Variants in ADCY5 observed in about 807,000 individuals in gnomAD.
ADCY5 encodes the protein adenylate cyclase 5.
ADCY5 carries 30 observed loss-of-function variants against 119.7 expected under a neutral mutation model. The observed-to-expected ratio is 0.25, with a 90% confidence interval of 0.19 to 0.34. ADCY5 has a LOEUF of 0.34. ADCY5 is among the 10% of genes least tolerant of loss of function. The pLI, the probability that ADCY5 is intolerant of heterozygous loss-of-function variation, is 1.00. For synonymous variants in ADCY5, 753 were observed against 762.2 expected (o/e 0.99, Z 0.20); for missense variants, 1,324 against 1,775.2 (o/e 0.75, Z 4.57).
intron 20 of ADCY5, 149 bp from the exon 21 acceptor site, chr3:123,284,885 GACTGACAGAC>G: frequency 1.9e-6 from 2 of 1,053,922 alleles, no homozygotes; most frequent in Non-Finnish European, 2.8e-6. Context: ...TGCTCTCAGG[GACTGACAGAC>G]AGCAGCTCAC....
chr3:123,434,388 A>G (rs1399701802), intron 1 of ADCY5, among the ~76,000 whole-genome samples: 1 of 152,200 alleles, frequency 6.6e-6, no homozygotes, highest in African/African-American at 2.4e-5. Context: ...TCAGGAATCT[A>G]TCACCCCCAG....
intron 1 of ADCY5, among the ~76,000 whole-genome samples, chr3:123,434,334 C>T (rs1254360269): frequency 1.3e-5 from 2 of 152,226 alleles, no homozygotes; most frequent in East Asian, 1.9e-4. Flanking sequence ...AGTGCCCTCA[C>T]CTGCATTAAA....
At chr3:123,389,952 A>C (rs1417857757) in intron 1 of ADCY5, among the ~76,000 whole-genome samples, 1 of 152,114 alleles carries the variant, frequency 6.6e-6, no homozygotes, top group Non-Finnish European at 1.5e-5. Context: ...TCAAGAGTGG[A>C]GAGAGGAGAG....
intron 12 of ADCY5, among the ~76,000 whole-genome samples, chr3:123,312,252 A>G (rs1940631079): frequency 6.6e-6 from 1 of 152,270 alleles, no homozygotes; most frequent in African/African-American, 2.4e-5. Flanking sequence ...GGGCTAATTA[A>G]GTACCTGAAA....
chr3:123,297,853 A>G (rs892765891), intron 15 of ADCY5, among the ~76,000 whole-genome samples: 1 of 152,266 alleles, frequency 6.6e-6, no homozygotes, highest in African/African-American at 2.4e-5. Flanking sequence ...GTGTAAAAAA[A>G]GGTAAAATAT....
At chr3:123,370,689 A>T (rs375150055) in intron 1 of ADCY5, among the ~76,000 whole-genome samples, 2 of 152,310 alleles carry the variant, frequency 1.3e-5, no homozygotes, top group East Asian at 3.9e-4. Context: ...TCTTAAGGCC[A>T]CTGTATTTTG....
At chr3:123,383,035 G>C (rs1480468131) in intron 1 of ADCY5, among the ~76,000 whole-genome samples, 6 of 151,986 alleles carry the variant, frequency 3.9e-5, no homozygotes, top group Non-Finnish European at 8.8e-5. Flanking sequence ...GCCATCCTCA[G>C]CCTCCCCCAC....
chr3:123,347,717 G>A (rs1156484860), intron 3 of ADCY5, 65 bp downstream of exon 3: 3 of 1,152,182 alleles, frequency 2.6e-6, no homozygotes, highest in African/African-American at 3.6e-5. Context: ...GAAAGGAAGT[G>A]GGATGTCTCC....
In ADCY5 at chr3:123,358,162, G is replaced by GTGTGTGTC. The variant is rs1943106447; in HGVS notation, c.1135-5582_1135-5581insGACACACA. Among the ~76,000 whole-genome samples, 3 of 51,408 alleles carry GTGTGTGTC rather than the reference G, an allele frequency of 5.8e-5. No homozygotes were observed. The South Asian group carries it at 1.7e-3, about 30-fold the overall frequency. The allele number at this position is 51,408 out of a possible 152,430, so 33.7% of individuals were successfully genotyped here. On this transcript the variant is annotated intron_variant, in intron 1 of 20. Coordinates refer to ENST00000462833, the MANE Select transcript of ADCY5 (RefSeq NM_183357.3). The stretch of plus-strand genomic sequence containing the variant: ...ATCTAACCACATGGAACACGTGTGT[G>GTGTGTGTC]TGTGTGTGTGTGTGTGTGTGTGTGT...
At chr3:123,322,297 G>C (rs1469415354) in intron 8 of ADCY5, among the ~76,000 whole-genome samples, 1 of 152,202 alleles carries the variant, frequency 6.6e-6, no homozygotes, top group Non-Finnish European at 1.5e-5. Flanking sequence ...TGGTCTCTAT[G>C]GTTCAAAAAT....
Position 123,447,694 on chromosome 3 carries a change from CATG to C in ADCY5, c.849_851del (p.Ile283del). 6.2e-7 allele frequency: 1 copy of C among 1,604,626 alleles called. No homozygotes were observed. Among genetic ancestry groups the C allele is most frequent in the Admixed American group, 1.7e-5 (1 of 59,558 alleles). Reference sequence around the variant, plus strand: ...AGGCGGCGCGGTTGCAAAGCACAGCCATGATGAGGATCACGCCGACGGCGGCCG... The same window carrying C: ...AGGCGGCGCGGTTGCAAAGCACAGCCATGAGGATCACGCCGACGGCGGCCG... On this transcript the variant is annotated inframe_deletion, in exon 1 of 21. Transcript: ENST00000462833.
chr3:123,337,218 T>A (rs1282756839), intron 3 of ADCY5, among the ~76,000 whole-genome samples: 1 of 152,190 alleles, frequency 6.6e-6, no homozygotes, highest in African/African-American at 2.4e-5. Flanking sequence ...GTAAACTCTT[T>A]GAGGGAGAGA....
Position 123,296,134 on chromosome 3 carries a change from C to A in ADCY5, c.3013G>T (p.Ala1005Ser), listed in dbSNP as rs1386912280. Residue 1005 changes from alanine to serine, a missense_variant, in exon 17 of 21, where the codon GCC becomes TCC. Transcript: ENST00000462833. ...SVFVLALYLH[A>S]QQVESTARLD... Reference sequence around the variant, plus strand: ...CGGGCAGTGGACTCCACCTGCTGGGCGTGCAGGTACAGGGCCAGCACAAAG... The same window carrying A: ...CGGGCAGTGGACTCCACCTGCTGGGAGTGCAGGTACAGGGCCAGCACAAAG... The A allele has an allele frequency of 1.2e-6, 2 of 1,613,906 alleles. No individual in the cohort carries two copies. The highest frequency in any genetic ancestry group is 2.7e-5 in the African/African-American group (2 of 74,920).
At chr3:123,375,481 T>C (rs76279397) in intron 1 of ADCY5, among the ~76,000 whole-genome samples, 3,451 of 152,364 alleles carry the variant, frequency 0.023, 59 homozygotes, top group Non-Finnish European at 0.036. Context: ...ACCCTGTTTT[T>C]GGGCTCAGCC....
chr3:123,371,923 A>C lies in ADCY5; in HGVS notation c.1135-19342T>G, dbSNP rs538953321. On this transcript the variant is annotated intron_variant, in intron 1 of 20. Coordinates refer to ENST00000462833, the MANE Select transcript of ADCY5 (RefSeq NM_183357.3). ...GGGAGAGGGGAGTGAGGGGATTTGA[A>C]GAAGGTGGGCAGGCGAAGTCCCTGG... Among the ~76,000 whole-genome samples the C allele has an allele frequency of 2.0e-5, 3 of 152,318 alleles. No individual in the cohort carries two copies. In the South Asian group the frequency reaches 6.2e-4, roughly 32 times the overall value.
At position 123,300,115 on chromosome 3, in the gene ADCY5, C is replaced by G; in HGVS notation, c.2900+5G>C. The G allele has an allele frequency of 6.2e-7, 1 of 1,613,578 alleles. No homozygotes were observed. Among genetic ancestry groups the G allele is most frequent in the Non-Finnish European group, 8.5e-7 (1 of 1,179,908 alleles). On this transcript the variant is annotated splice_donor_5th_base_variant and intron_variant, in intron 15 of 20. Coordinates refer to ENST00000462833, the MANE Select transcript of ADCY5 (RefSeq NM_183357.3). The stretch of plus-strand genomic sequence containing the variant: ...AGTGGGGAGCGTGAGGGAGGTGCCC[C>G]ATACATGGCGTTGGCGGTGACCAGC...
intron 1 of ADCY5, among the ~76,000 whole-genome samples, chr3:123,385,076 C>T (rs1184699610): frequency 6.6e-6 from 1 of 152,154 alleles, no homozygotes; most frequent in Non-Finnish European, 1.5e-5. Flanking sequence ...GCAGGCCCCC[C>T]TCTCCTTACA....
intron 1 of ADCY5, among the ~76,000 whole-genome samples, chr3:123,354,634 G>A (rs922317088): frequency 6.6e-6 from 1 of 152,144 alleles, no homozygotes; most frequent in African/African-American, 2.4e-5. Context: ...GAGGAGATCT[G>A]TGTGAAAAGA....
chr3:123,311,669 A>G (rs1488340463), intron 12 of ADCY5, among the ~76,000 whole-genome samples: 1 of 152,198 alleles, frequency 6.6e-6, no homozygotes, highest in Non-Finnish European at 1.5e-5. Flanking sequence ...AGTCTATTCA[A>G]TGGATGGACC....
Sources: allele counts gnomAD v4.1 joint callset (sites outside exome capture counted in the v4.1 genomes callset), GRCh38; gene constraint gnomAD v4.1.1; transcripts MANE v1.5; gene names NCBI Gene and HGNC (gene_info 2026-07-23, HGNC 2026-07-21).